Variants in CMTM4 observed in about 807,000 individuals in gnomAD.
CMTM4 encodes the protein CKLF like MARVEL transmembrane domain containing 4, also known as CKLF-like MARVEL transmembrane domain-containing protein 4.
In CMTM4, 8 loss-of-function variants were observed where a neutral mutation model predicts 19.0. That is an observed-to-expected ratio of 0.42 (90% confidence interval 0.25 to 0.76). The LOEUF is 0.76. Among genes scored for constraint, CMTM4 ranks in the 30% least tolerant of loss-of-function variants. CMTM4 has a pLI of 0.27. For missense variants in CMTM4, 228 were observed against 290.2 expected, an observed-to-expected ratio of 0.79 and a Z score of 1.56; for synonymous variants, 106 against 121.1, an observed-to-expected ratio of 0.88 and a Z score of 0.82.
At chr16:66,672,276 G>A (rs989385428) in intron 1 of CMTM4, among the ~76,000 whole-genome samples, 3 of 151,376 alleles carry the variant, frequency 2.0e-5, no homozygotes, top group African/African-American at 7.3e-5. Flanking sequence ...GTGGCAGTGT[G>A]CGCCTGTAAT....
intron 1 of CMTM4, among the ~76,000 whole-genome samples, chr16:66,689,220 T>A (rs925755442): frequency 6.6e-6 from 1 of 152,224 alleles, no homozygotes; most frequent in African/African-American, 2.4e-5. Context: ...GGGGAAAGCA[T>A]TCATTCTTTC....
chr16:66,609,056 G>A, the CMTM4 span, among the ~76,000 whole-genome samples: 3 of 152,144 alleles, frequency 2.0e-5, no homozygotes, highest in Admixed American at 6.5e-5. This position sits in a 1 kb window ranked among gnomAD's most constrained non-coding sequence, Gnocchi z 4.4. Flanking sequence ...TGAATGGATC[G>A]GCCACAAGAG....
intron 1 of CMTM4, among the ~76,000 whole-genome samples, chr16:66,640,696 C>T (rs912852753): frequency 2.6e-5 from 4 of 152,180 alleles, no homozygotes; most frequent in South Asian, 2.1e-4. Context: ...TGACCTATTA[C>T]CTTGCAGAAA....
intron 2 of CMTM4, 66 bp from the exon 3 acceptor site, chr16:66,623,568 G>A (rs355949): frequency 0.093 from 111,855 of 1,197,454 alleles, 7,978 homozygotes; most frequent in East Asian, 0.28. Flanking sequence ...AAAGCAACTG[G>A]AGAACTTTCA....
chr16:66,612,822 G>C (rs1036725675), downstream of CMTM4: 3 of 635,188 alleles, frequency 4.7e-6, no homozygotes, highest in African/African-American at 5.5e-5. The surrounding 1 kb of genome is among the most constrained non-coding windows in gnomAD (Gnocchi z 6.0). Flanking sequence ...CCTCAGCTCA[G>C]CACTGTTGAC....
At chr16:66,603,287 AT>A in the CMTM4 span, among the ~76,000 whole-genome samples, 338 of 147,314 alleles carry the variant, frequency 2.3e-3, no homozygotes, top group African/African-American at 7.4e-3. Context: ...GTCTTTATTT[AT>A]TTTTTTTTTT....
chr16:66,614,746 G>A (rs1385359462), downstream of CMTM4: 3 of 152,174 alleles, frequency 2.0e-5, no homozygotes, highest in African/African-American at 4.8e-5. This position sits in a 1 kb window ranked among gnomAD's most constrained non-coding sequence, Gnocchi z 4.9. Context: ...GAGAGACAAC[G>A]ACATCCTTAC....
In CMTM4 at chr16:66,638,785, G is replaced by A. The variant is rs555332077; in HGVS notation, c.187-2204C>T. On this transcript the variant is annotated intron_variant, in intron 1 of 3. Coordinates refer to ENST00000394106, the MANE Select transcript of CMTM4 (RefSeq NM_181521.3). ...GAGGCAGGAGAATCACTTGAAACCC[G>A]GGAGGCGGAGGTTGCAGTGAGCTGA... is the stretch of plus-strand genomic sequence containing the variant. Among the ~76,000 whole-genome samples the A allele has an allele frequency of 3.3e-5, 5 of 152,212 alleles. No homozygotes were observed. The East Asian group carries it at 5.8e-4, about 18-fold the overall frequency.
chr16:66,629,668 G>A (rs534670342), intron 2 of CMTM4, among the ~76,000 whole-genome samples: 2 of 152,268 alleles, frequency 1.3e-5, no homozygotes, highest in East Asian at 3.9e-4. Flanking sequence ...CAGGATAGGG[G>A]CAGGTCACCA....
In CMTM4 at chr16:66,636,493, C is replaced by T; in HGVS notation, c.275G>A (p.Cys92Tyr). 1 of 1,614,144 alleles carries T rather than the reference C, an allele frequency of 6.2e-7. No individual in the cohort carries two copies. The highest frequency in any genetic ancestry group is 8.5e-7 in the Non-Finnish European group (1 of 1,180,014). Residue 92 changes from cysteine (C) to tyrosine (Y), a missense_variant, in exon 2 of 4, where the codon TGC becomes TAC. Physicochemically the swap from Cys to Tyr is radical, Grantham distance 194 (BLOSUM62 -2). Around this residue, in one of 3 missense-constraint regions of CMTM4, gnomAD observed 200 missense variants for 226.6 expected, o/e 0.88. Coordinates refer to ENST00000394106, the MANE Select transcript of CMTM4 (RefSeq NM_181521.3). ...EGLYFFEFVS[C>Y]SAFVVTGVLL... is the part of the protein sequence containing the mutation. ...GACGCCAGTCACCACAAACGCACTG[C>T]AGCTCACAAACTCAAAAAAGTAGAG...
chr16:66,683,190 TATAC>T lies in CMTM4; in HGVS notation c.186+13146_186+13149del, dbSNP rs1567432336. ...ATATATATATACATATGTATATATA[TATAC>T]ATATATATATATATATAAATTTTCC... is the stretch of plus-strand genomic sequence containing the variant. On this transcript the variant is annotated intron_variant, in intron 1 of 3. Transcript: ENST00000394106. Among the ~76,000 whole-genome samples, 257 of 95,888 alleles carry T rather than the reference TATAC, an allele frequency of 2.7e-3. 1 individual carries two copies. The highest frequency in any genetic ancestry group is 7.5e-3 in the African/African-American group (221 of 29,574). The allele number at this position is 95,888 out of a possible 152,430, so 62.9% of individuals were successfully genotyped here.
intron 1 of CMTM4, among the ~76,000 whole-genome samples, chr16:66,652,119 G>A (rs374724227): frequency 1.3e-5 from 2 of 152,344 alleles, no homozygotes; most frequent in African/African-American, 4.8e-5. Flanking sequence ...GATTAGTTGA[G>A]CAAAGGAGCC....
At chr16:66,603,434 C>T in the CMTM4 span, among the ~76,000 whole-genome samples, 5 of 151,878 alleles carry the variant, frequency 3.3e-5, no homozygotes, top group Admixed American at 2.0e-4. Context: ...ATTATAGGCA[C>T]GGTGCCACCA....
In CMTM4 at chr16:66,696,346, G is replaced by C; in HGVS notation, c.180C>G (p.Ala60=). Residue 60 remains alanine, a synonymous_variant, in exon 1 of 4, where the codon GCC becomes GCG. Transcript: ENST00000394106. This position sits in a 1 kb window ranked among gnomAD's most constrained non-coding sequence, Gnocchi z 4.3. ...GGCCCCGCCCGGCACCTACCACTTG[G>C]GCGACCTTGAGGCGGCCGAGCGCGC... ...LRGALGRLKV[A]QVILALIAFI... 1.4e-6 allele frequency: 2 copies of C among 1,409,274 alleles called. No homozygotes were observed. Among genetic ancestry groups the C allele is most frequent in the Non-Finnish European group, 1.8e-6 (2 of 1,082,720 alleles). 87.3% of individuals were successfully genotyped at this position (1,409,274 alleles called of 1,614,324 possible).
At chr16:66,670,164 C>T (rs1180492345) in intron 1 of CMTM4, among the ~76,000 whole-genome samples, 5 of 151,948 alleles carry the variant, frequency 3.3e-5, no homozygotes, top group African/African-American at 1.2e-4. Flanking sequence ...TTGTGCACTT[C>T]GGCCGGGCAC....
At chr16:66,657,672 A>C (rs2016423750) in intron 1 of CMTM4, among the ~76,000 whole-genome samples, 1 of 152,240 alleles carries the variant, frequency 6.6e-6, no homozygotes, top group Non-Finnish European at 1.5e-5. Context: ...TAATTATTTC[A>C]AAATAAAGGC....
In CMTM4 at chr16:66,622,445, G is replaced by A. The variant is rs1184386913; in HGVS notation, c.463-223C>T. Among the ~76,000 whole-genome samples the A allele has an allele frequency of 3.3e-5, 5 of 152,194 alleles. No homozygotes were observed. Among genetic ancestry groups the A allele is most frequent in the Admixed American group, 2.6e-4 (4 of 15,286 alleles). On this transcript the variant is annotated intron_variant, in intron 3 of 3. Coordinates refer to ENST00000394106, the MANE Select transcript of CMTM4 (RefSeq NM_181521.3). This position sits in a 1 kb window ranked among gnomAD's most constrained non-coding sequence, Gnocchi z 4.0. ...GTGGCTCAGAGTCAAAGGGAAGCCT[G>A]TGCCCAGCCCTGCTGGATGTGTGGC... is the stretch of plus-strand genomic sequence containing the variant.
chr16:66,695,800 CA>C (rs977170356), intron 1 of CMTM4, among the ~76,000 whole-genome samples: 4 of 152,162 alleles, frequency 2.6e-5, no homozygotes, highest in African/African-American at 9.7e-5. Flanking sequence ...GAATTGTGGG[CA>C]TATCTGGGCT....
intron 1 of CMTM4, among the ~76,000 whole-genome samples, chr16:66,651,169 CCT>C (rs748502320): frequency 2.0e-5 from 3 of 152,138 alleles, no homozygotes; most frequent in Non-Finnish European, 4.4e-5. Context: ...GAAGCCAGCT[CCT>C]CTCTTAGCAA....
Sources: allele counts gnomAD v4.1 joint callset (sites outside exome capture counted in the v4.1 genomes callset), GRCh38; gene constraint gnomAD v4.1.1; regional missense constraint gnomAD v4.1.1; non-coding constraint Gnocchi (gnomAD v3.1); transcripts MANE v1.5; gene names NCBI Gene and HGNC (gene_info 2026-07-23, HGNC 2026-07-21).